DUSP10: variants seen among roughly 807,000 people sequenced by gnomAD.
DUSP10 encodes dual specificity protein phosphatase 10.
In DUSP10, 14 loss-of-function variants were observed where a neutral mutation model predicts 30.8. That is an observed-to-expected ratio of 0.46 (90% confidence interval 0.30 to 0.71). The LOEUF is 0.71. Among genes scored for constraint, DUSP10 ranks in the 30% least tolerant of loss-of-function variants. The pLI, the probability that DUSP10 is intolerant of heterozygous loss-of-function variation, is 0.08. For missense variants in DUSP10, 550 were observed against 619.4 expected (o/e 0.89, Z 1.19); for synonymous variants, 254 against 250.4 (o/e 1.01, Z -0.14).
intron 2 of DUSP10, chr1:221,711,489 A>T (rs1490562450): frequency 1.8e-4 from 27 of 152,172 alleles, no homozygotes; most frequent in Non-Finnish European, 2.5e-4. Flanking sequence ...AGTTTGCTAT[A>T]AGCATATTGA....
At chr1:221,703,600 G>A (rs1342774511) in intron 3 of DUSP10, among the ~76,000 whole-genome samples, 1 of 152,204 alleles carries the variant, frequency 6.6e-6, no homozygotes, top group Non-Finnish European at 1.5e-5. Context: ...GCAGAAGATG[G>A]AGGAATCCCA....
chr1:221,711,536 A>C (rs1660937911), intron 2 of DUSP10: 1 of 152,218 alleles, frequency 6.6e-6, no homozygotes, highest in Admixed American at 6.5e-5. Flanking sequence ...CTTACTGAGT[A>C]ACCAGTCTTT....
At position 221,706,231 on chromosome 1, in the gene DUSP10, G is replaced by C; in HGVS notation, c.1047C>G (p.Gly349=). The C allele has an allele frequency of 6.2e-7, 1 of 1,614,176 alleles. No individual in the cohort carries two copies. The highest frequency in any genetic ancestry group is 8.5e-7 in the Non-Finnish European group (1 of 1,180,036). Residue 349 remains glycine (G), a synonymous_variant, in exon 3 of 4, where the codon GGC becomes GGG. Coordinates refer to ENST00000366899, the MANE Select transcript of DUSP10 (RefSeq NM_007207.6). This position sits in a 1 kb window ranked among gnomAD's most constrained non-coding sequence, Gnocchi z 4.6. Reference sequence around the variant, plus strand: ...GATGAGTGGTGACGTTGATGACGTAGCCGATGTTCAGCCGCTGCATGGTGT... The same window carrying C: ...GATGAGTGGTGACGTTGATGACGTACCCGATGTTCAGCCGCTGCATGGTGT... The part of the protein sequence containing the change: ...DLDTMQRLNI[G]YVINVTTHLP...
rs1660637981 is a variant in DUSP10 at position 221,702,553 on chromosome 1, T to C, written c.1308A>G (p.Lys436=). 9 of 1,614,162 alleles carry C rather than the reference T, an allele frequency of 5.6e-6. No individual in the cohort carries two copies. The highest frequency in any genetic ancestry group is 7.6e-6 in the Non-Finnish European group (9 of 1,180,032). Residue 436 remains lysine, a synonymous_variant, in exon 4 of 4, where the codon AAA becomes AAG. Transcript: ENST00000366899. This position sits in a 1 kb window ranked among gnomAD's most constrained non-coding sequence, Gnocchi z 4.5. The part of the protein sequence containing the change: ...HTRMTMTDAY[K]FVKGKRPIIS... Reference sequence around the variant, plus strand: ...TAATTGGTCGTTTGCCTTTGACAAATTTATAAGCATCAGTCATGGTCATCC... The same window carrying C: ...TAATTGGTCGTTTGCCTTTGACAAACTTATAAGCATCAGTCATGGTCATCC...
rs542416249 is a variant in DUSP10, at chr1:221,736,814, A to G, written c.811+2120T>C. 9.1e-6 allele frequency: 9 copies of G among 985,386 alleles called. No homozygotes were observed. In the African/African-American group the frequency reaches 1.2e-4, roughly 13 times the overall value. The allele number at this position is 985,386 out of a possible 1,614,324, so 61.0% of individuals were successfully genotyped here. The stretch of plus-strand genomic sequence containing the variant: ...ATGAAATTCCCAGATATTTGAAGAA[A>G]AGGCCCCCAAAACTACAAATAATCT... On this transcript the variant is annotated intron_variant, in intron 2 of 3. Coordinates refer to ENST00000366899, the MANE Select transcript of DUSP10 (RefSeq NM_007207.6).
intron 1 of DUSP10, among the ~76,000 whole-genome samples, chr1:221,740,768 T>C (rs1254260122): frequency 1.3e-5 from 2 of 152,234 alleles, no homozygotes; most frequent in Non-Finnish European, 1.5e-5. Flanking sequence ...GACCTCCCAA[T>C]TAGCCTGTAC....
At chr1:221,719,611 A>G (rs1250217964) in intron 2 of DUSP10, among the ~76,000 whole-genome samples, 1 of 152,234 alleles carries the variant, frequency 6.6e-6, no homozygotes, top group Non-Finnish European at 1.5e-5. Context: ...AGGCTAAGTG[A>G]AGGACCAGCC....
intron 2 of DUSP10, among the ~76,000 whole-genome samples, chr1:221,731,754 G>A (rs567037764): frequency 7.9e-4 from 120 of 151,670 alleles, no homozygotes; most frequent in African/African-American, 2.7e-3. Context: ...GACTACAGGT[G>A]TGCACCACCA....
chr1:221,702,704 T>C lies in DUSP10; in HGVS notation c.1184-27A>G. ...TGAAAAAAGGGAGAAAGACAAGAGATGAAGGGAAGATGGAAGAGAGAGGCA... is the reference window on the plus strand; with the variant it reads ...TGAAAAAAGGGAGAAAGACAAGAGACGAAGGGAAGATGGAAGAGAGAGGCA... On this transcript the variant is annotated intron_variant, in intron 3 of 3. Transcript: ENST00000366899. The surrounding 1 kb of genome is among the most constrained non-coding windows in gnomAD (Gnocchi z 4.5). 6.2e-7 allele frequency: 1 copy of C among 1,609,878 alleles called. No individual in the cohort carries two copies. The highest frequency in any genetic ancestry group is 8.5e-7 in the Non-Finnish European group (1 of 1,176,966).
chr1:221,718,599 A>C (rs1571818145), intron 2 of DUSP10, among the ~76,000 whole-genome samples: 1 of 152,212 alleles, frequency 6.6e-6, no homozygotes, highest in Non-Finnish European at 1.5e-5. Flanking sequence ...AGAATGTCTA[A>C]AAACATTCTT....
Position 221,706,688 on chromosome 1 carries a change from C to T in DUSP10, c.812-222G>A, listed in dbSNP as rs918209664. ...AGACAAGCTTCGGGGAGTATCACTG[C>T]ATGGAACACTTTGGAAATGTGCTCT... On this transcript the variant is annotated intron_variant, in intron 2 of 3. Coordinates refer to ENST00000366899, the MANE Select transcript of DUSP10 (RefSeq NM_007207.6). This position sits in a 1 kb window ranked among gnomAD's most constrained non-coding sequence, Gnocchi z 4.6. Among the ~76,000 whole-genome samples, 2 of 152,198 alleles carry T rather than the reference C, an allele frequency of 1.3e-5. No individual in the cohort carries two copies. The highest frequency in any genetic ancestry group is 2.9e-5 in the Non-Finnish European group (2 of 68,024).
At chr1:221,722,054 G>T (rs1429264901) in intron 2 of DUSP10, among the ~76,000 whole-genome samples, 1 of 152,142 alleles carries the variant, frequency 6.6e-6, no homozygotes, top group Non-Finnish European at 1.5e-5. Context: ...CAGTAATTTG[G>T]AGTTCCTCTT....
In DUSP10 at chr1:221,739,302, T is replaced by G. The variant is rs1389802522; in HGVS notation, c.443A>C (p.Lys148Thr). 1 of 1,614,200 alleles carries G rather than the reference T, an allele frequency of 6.2e-7. No individual in the cohort carries two copies. Residue 148 changes from lysine to threonine, a missense_variant, in exon 2 of 4, where the codon AAA becomes ACA. Transcript: ENST00000366899. ...TGCCAAGTCATTGGGGTAGATTATT[T>G]TGATGCTGGCTAGCTGCTTGGGGGT... is the stretch of plus-strand genomic sequence containing the variant. ...SGTPKQLASI[K>T]IIYPNDLAKK...
chr1:221,707,053 T>C (rs1660791790), intron 2 of DUSP10, among the ~76,000 whole-genome samples: 1 of 152,224 alleles, frequency 6.6e-6, no homozygotes. Context: ...AGTTCATTTA[T>C]CTCTGTGCTT....
intron 3 of DUSP10, among the ~76,000 whole-genome samples, chr1:221,705,028 G>T (rs1660713285): frequency 6.6e-6 from 1 of 151,308 alleles, no homozygotes; most frequent in Non-Finnish European, 1.5e-5. Context: ...CCCCTTTATG[G>T]TAATAAAAGT....
Position 221,706,066 on chromosome 1 carries a change from G to A in DUSP10, c.1183+29C>T. Reference sequence around the variant, plus strand: ...AGCTGGAGGGAAAAGGAAGGCAGCGGATGAAAATTCCCTATGGGAGATAGT... The same window carrying A: ...AGCTGGAGGGAAAAGGAAGGCAGCGAATGAAAATTCCCTATGGGAGATAGT... On this transcript the variant is annotated intron_variant, in intron 3 of 3. Transcript: ENST00000366899. This position sits in a 1 kb window ranked among gnomAD's most constrained non-coding sequence, Gnocchi z 4.6. 1 of 1,593,470 alleles carries A rather than the reference G, an allele frequency of 6.3e-7. No individual in the cohort carries two copies. The highest frequency in any genetic ancestry group is 8.6e-7 in the Non-Finnish European group (1 of 1,167,228).
At position 221,742,040 on chromosome 1, in the gene DUSP10, A is replaced by T. The variant is rs1661970356; in HGVS notation, c.-103T>A. The T allele has an allele frequency of 6.6e-6, 1 of 152,318 alleles. No individual in the cohort carries two copies. Among genetic ancestry groups the T allele is most frequent in the African/African-American group, 2.4e-5 (1 of 41,438 alleles). 9.4% of individuals were successfully genotyped at this position (152,318 alleles called of 1,614,324 possible). On this transcript the variant is annotated 5_prime_UTR_variant, in exon 1 of 4. The change abolishes an upstream ATG in the 5' untranslated region. Transcript: ENST00000366899. Reference sequence around the variant, plus strand: ...CTCCTCTTCAGCTATGGACTCGCACATTCAGCCCCCATTCACTCGGCTTCA... The same window carrying T: ...CTCCTCTTCAGCTATGGACTCGCACTTTCAGCCCCCATTCACTCGGCTTCA...
chr1:221,725,348 CTG>C (rs1661395535), intron 2 of DUSP10, among the ~76,000 whole-genome samples: 1 of 152,164 alleles, frequency 6.6e-6, no homozygotes, highest in African/African-American at 2.4e-5. Flanking sequence ...TATGAAGTCT[CTG>C]TGTCTTTTAA....
intron 2 of DUSP10, among the ~76,000 whole-genome samples, chr1:221,709,589 G>T (rs754469591): frequency 1.2e-4 from 19 of 152,194 alleles, no homozygotes; most frequent in Non-Finnish European, 1.8e-4. Context: ...TAATCAACTT[G>T]GGCATCAGTT....
Sources: gnomAD v4.1 joint callset for allele counts (sites outside exome capture counted in the v4.1 genomes callset) on GRCh38, gnomAD v4.1.1 for gene constraint, Gnocchi (gnomAD v3.1) non-coding constraint, MANE v1.5 for transcripts, NCBI Gene and HGNC (gene_info 2026-07-23, HGNC 2026-07-21) for gene names.